The following ARHGEF18 variants were observed in gnomAD, a reference collection of about 807,000 sequenced individuals.
ARHGEF18 encodes the protein Rho/Rac guanine nucleotide exchange factor 18, also known as rho guanine nucleotide exchange factor 18.
ARHGEF18 carries 93 observed loss-of-function variants against 155.7 expected under a neutral mutation model. That is an observed-to-expected ratio of 0.60 (90% CI 0.50 to 0.71). The LOEUF (loss-of-function observed/expected upper bound fraction) is 0.71. Ranked by LOEUF, ARHGEF18 falls within the 30% of genes least tolerant of loss-of-function variation. The pLI is 0.00. For synonymous variants in ARHGEF18, 742 were observed against 753.1 expected, an observed-to-expected ratio of 0.99 and a Z score of 0.24; for missense variants, 1,593 against 1,816.1, an observed-to-expected ratio of 0.88 and a Z score of 2.23.
chr19:7,467,568 C>T lies in ARHGEF18; in HGVS notation c.3364C>T (p.Arg1122Trp). 6.7e-7 allele frequency: 1 copy of T among 1,492,226 alleles called. No homozygotes were observed. The allele number at this position is 1,492,226 out of a possible 1,614,324, so 92.4% of individuals were successfully genotyped here. Residue 1122 changes from arginine to tryptophan, a missense_variant, in exon 26 of 29, where the codon CGG becomes TGG. By Grantham distance (101) the Arg-to-Trp change is moderately radical (BLOSUM62 -3). Coordinates refer to ENST00000668164, the MANE Select transcript of ARHGEF18 (RefSeq NM_001367823.1). ...CCAGGCCTACCAGCACGACCTGGAG[C>T]GGCTGCGCGAGGCCCAGCGTGCCGT... ...QRQAYQHDLE[R>W]LREAQRAVER...
intron 10 of ARHGEF18, among the ~76,000 whole-genome samples, chr19:7,397,928 G>A (rs966429113): frequency 5.9e-5 from 9 of 151,968 alleles, no homozygotes; most frequent in African/African-American, 2.2e-4. Context: ...CATGTGCAAC[G>A]TGACATATTC....
intron 10 of ARHGEF18, among the ~76,000 whole-genome samples, chr19:7,387,813 G>T (rs1000558964): frequency 6.6e-6 from 1 of 151,920 alleles, no homozygotes; most frequent in African/African-American, 2.4e-5. Context: ...GGGATTACAG[G>T]TACCTGCCAC....
chr19:7,447,544 T>C (rs1460508355), intron 15 of ARHGEF18, among the ~76,000 whole-genome samples: 4 of 152,080 alleles, frequency 2.6e-5, no homozygotes, highest in Non-Finnish European at 4.4e-5. Flanking sequence ...ACTTACATTC[T>C]TCACTGTGGG....
chr19:7,404,457 C>CTTTT (rs35583640), intron 10 of ARHGEF18, among the ~76,000 whole-genome samples: 4 of 115,280 alleles, frequency 3.5e-5, no homozygotes, highest in Non-Finnish European at 5.0e-5. Context: ...GGATCTCTCT[C>CTTTT]TTTTTTTTTT....
chr19:7,373,489 T>G (rs1600218964), intron 3 of ARHGEF18, among the ~76,000 whole-genome samples: 2 of 150,204 alleles, frequency 1.3e-5, no homozygotes, highest in Admixed American at 6.6e-5. Flanking sequence ...TTTTGTTTTT[T>G]TTTTGAGATG....
chr19:7,404,310 G>A (rs1425957085), intron 10 of ARHGEF18, among the ~76,000 whole-genome samples: 3 of 152,058 alleles, frequency 2.0e-5, no homozygotes, highest in African/African-American at 4.8e-5. Flanking sequence ...TTAGATGCTC[G>A]AGGGGCTTCT....
chr19:7,413,126 C>T lies in ARHGEF18; in HGVS notation c.968-27218C>T, dbSNP rs148459141. On this transcript the variant is annotated intron_variant, in intron 10 of 28. Coordinates refer to ENST00000668164, the MANE Select transcript of ARHGEF18 (RefSeq NM_001367823.1). ...ATTTTTGGGGGCAGGATCAGAAGCA[C>T]GCAGAGATATTAAGATAGTTATGGG... Among the ~76,000 whole-genome samples, 610 of 152,070 alleles carry T rather than the reference C, an allele frequency of 4.0e-3. 2 individuals carry two copies. The highest frequency in any genetic ancestry group is 0.013 in the African/African-American group (551 of 41,478).
intron 10 of ARHGEF18, among the ~76,000 whole-genome samples, chr19:7,409,901 G>A (rs1348589249): frequency 6.7e-6 from 1 of 149,416 alleles, no homozygotes; most frequent in East Asian, 2.0e-4. Context: ...AGCCTCCCAA[G>A]TAGCTGGGAT....
intron 10 of ARHGEF18, among the ~76,000 whole-genome samples, chr19:7,439,154 A>AT (rs1453322343): frequency 6.6e-6 from 1 of 151,776 alleles, no homozygotes; most frequent in Non-Finnish European, 1.5e-5. Flanking sequence ...AAGTGCTGAG[A>AT]TTACAGGCGT....
Position 7,380,964 on chromosome 19 carries a change from C to T in ARHGEF18, c.692C>T (p.Ser231Leu), listed in dbSNP as rs1255848591. 20 of 1,232,048 alleles carry T rather than the reference C, an allele frequency of 1.6e-5. No individual in the cohort carries two copies. Among genetic ancestry groups the T allele is most frequent in the Middle Eastern group, 3.1e-4 (1 of 3,230 alleles). The allele number at this position is 1,232,048 out of a possible 1,614,324, so 76.3% of individuals were successfully genotyped here. ...CMSASPGGAHSNLTWFEFLSE... is the reference protein window; with the variant it reads ...CMSASPGGAHLNLTWFEFLSE... ...TCAGCCAGCCCCGGAGGAGCCCACT[C>T]GAACCTGACCTGGTTTGAATTCCTG... The change falls in exon 8 of 29, where the codon TCG becomes TTG. Residue 231 changes from serine to leucine, a missense_variant. Physicochemically the swap from Ser to Leu is moderately radical, Grantham distance 145 (BLOSUM62 -2). Transcript: ENST00000668164.
intron 2 of ARHGEF18, 81 bp downstream of exon 2, chr19:7,362,986 A>G (rs189304899): frequency 4.1e-4 from 499 of 1,226,900 alleles, no homozygotes; most frequent in Non-Finnish European, 4.9e-4. Context: ...CCTGCATTTT[A>G]CCAGGCACTT....
In ARHGEF18 at chr19:7,353,954, G is replaced by A. The variant is rs140562850; in HGVS notation, c.-111+4713G>A. On this transcript the variant is annotated intron_variant, in intron 1 of 28. Transcript: ENST00000668164. ...AGTCTGGGTGACAGAGCAAGACTCT[G>A]TCTAAAAAAAAAAAAAAGAAAGAAA... Among the ~76,000 whole-genome samples the A allele has an allele frequency of 0.017, 625 of 37,250 alleles. 26 individuals carry two copies. The East Asian group carries it at 0.28, about 17-fold the overall frequency. 24.4% of individuals were successfully genotyped at this position (37,250 alleles called of 152,430 possible).
Position 7,468,990 on chromosome 19 carries a change from A to G in ARHGEF18, c.3646A>G (p.Ile1216Val). ...ENRLAKSDVP[I>V]QLLSATNQFQ... is the part of the protein sequence containing the mutation. ...CCGGCTGGCCAAGAGCGATGTGCCC[A>G]TCCAGCTGCTCAGCGCCACCAACCA... The change falls in exon 27 of 29, where the codon ATC becomes GTC. Residue 1216 changes from isoleucine (I) to valine (V), a missense_variant. Coordinates refer to ENST00000668164, the MANE Select transcript of ARHGEF18 (RefSeq NM_001367823.1). 1.9e-6 allele frequency: 3 copies of G among 1,595,068 alleles called. No individual in the cohort carries two copies. Among genetic ancestry groups the G allele is most frequent in the Non-Finnish European group, 2.6e-6 (3 of 1,172,194 alleles).
In ARHGEF18 at chr19:7,470,343, C is replaced by T; in HGVS notation, c.*45C>T. The T allele has an allele frequency of 7.0e-7, 1 of 1,425,232 alleles. No individual in the cohort carries two copies. Among genetic ancestry groups the T allele is most frequent in the Non-Finnish European group, 9.2e-7 (1 of 1,084,212 alleles). 88.3% of individuals were successfully genotyped at this position (1,425,232 alleles called of 1,614,324 possible). On this transcript the variant is annotated 3_prime_UTR_variant, in exon 29 of 29. Coordinates refer to ENST00000668164, the MANE Select transcript of ARHGEF18 (RefSeq NM_001367823.1). This position sits in a 1 kb window ranked among gnomAD's most constrained non-coding sequence, Gnocchi z 5.9. The stretch of plus-strand genomic sequence containing the variant: ...GCAAGGCCCCTCCCTGCCCTGCCCA[C>T]CCTTCCTGCTCTCTGGGGACCCCCA...
At chr19:7,364,069 G>A (rs1969765508) in intron 2 of ARHGEF18, among the ~76,000 whole-genome samples, 1 of 149,964 alleles carries the variant, frequency 6.7e-6, no homozygotes, top group South Asian at 2.1e-4. Context: ...AAGATGGATG[G>A]GTAATGGATG....
At chr19:7,411,066 T>TA (rs1312625776) in intron 10 of ARHGEF18, among the ~76,000 whole-genome samples, 1 of 152,018 alleles carries the variant, frequency 6.6e-6, no homozygotes, top group Non-Finnish European at 1.5e-5. Context: ...TCCATCCTGA[T>TA]ACCAGAAAAT....
intron 10 of ARHGEF18, among the ~76,000 whole-genome samples, chr19:7,414,219 ACT>A (rs1358775257): frequency 6.7e-6 from 1 of 148,226 alleles, no homozygotes; most frequent in Non-Finnish European, 1.5e-5. Flanking sequence ...ATGTCTCCAG[ACT>A]CTGCCAAATG....
chr19:7,468,835 C>CA lies in ARHGEF18; in HGVS notation c.3493dup (p.Ser1165LysfsTer117). On this transcript the variant is annotated frameshift_variant, in exon 27 of 29. Transcript: ENST00000668164. LOFTEE classifies it high-confidence loss of function. The stretch of plus-strand genomic sequence containing the variant: ...CTGTTGTCCCCTCAGGCCCAGCCCC[C>CA]AAGCCACCCTCCCAGCTTCAACGGG... 1.3e-6 allele frequency: 2 copies of CA among 1,557,422 alleles called. No homozygotes were observed. Among genetic ancestry groups the CA allele is most frequent in the Non-Finnish European group, 1.7e-6 (2 of 1,147,524 alleles).
At chr19:7,371,162 T>C (rs1046683881) in intron 2 of ARHGEF18, among the ~76,000 whole-genome samples, 14 of 152,060 alleles carry the variant, frequency 9.2e-5, no homozygotes, top group Admixed American at 7.9e-4. Flanking sequence ...TCCTCCCAGA[T>C]TGCTGGGATT....
Sources: allele counts gnomAD v4.1 joint callset (sites outside exome capture counted in the v4.1 genomes callset), GRCh38; gene constraint gnomAD v4.1.1; non-coding constraint Gnocchi (gnomAD v3.1); transcripts MANE v1.5; gene names NCBI Gene and HGNC (gene_info 2026-07-23, HGNC 2026-07-21).